The following SLC4A10 variants were observed in gnomAD, a reference collection of about 807,000 sequenced individuals.
SLC4A10 encodes solute carrier family 4 member 10.
In SLC4A10, 42 loss-of-function variants were observed where a neutral mutation model predicts 137.7. The ratio of observed to expected loss-of-function variants is 0.30; its 90% CI spans 0.24 to 0.39. The LOEUF (loss-of-function observed/expected upper bound fraction) is 0.39. SLC4A10 is among the 10% of genes least tolerant of loss of function. SLC4A10 has a pLI of 1.00. For missense variants in SLC4A10, 925 were observed against 1,355.0 expected, an observed-to-expected ratio of 0.68 and a Z score of 4.98; for synonymous variants, 474 against 464.1, an observed-to-expected ratio of 1.02 and a Z score of -0.27.
intron 3 of SLC4A10, among the ~76,000 whole-genome samples, chr2:161,808,030 TTA>T (rs1402131124): frequency 1.3e-5 from 2 of 152,100 alleles, no homozygotes; most frequent in Non-Finnish European, 2.9e-5. Flanking sequence ...TTTTATATTT[TTA>T]TGAATTTAAA....
Position 161,904,829 on chromosome 2 carries a change from C to T in SLC4A10, c.1671C>T (p.Leu557=), listed in dbSNP as rs1683967552. 1 of 1,613,980 alleles carries T rather than the reference C, an allele frequency of 6.2e-7. No homozygotes were observed. Among genetic ancestry groups the T allele is most frequent in the Non-Finnish European group, 8.5e-7 (1 of 1,179,868 alleles). Residue 557 remains leucine (L), a synonymous_variant, in exon 14 of 27, where the codon CTC becomes CTT. Coordinates refer to ENST00000446997, the MANE Select transcript of SLC4A10 (RefSeq NM_001178015.2). ...GASMTGIAYS[L]FGGQPLTILG... ...CCATGACCGGGATAGCCTATTCTCT[C>T]TTTGGTGGACAGCCTCTTACCATAT...
intron 1 of SLC4A10, among the ~76,000 whole-genome samples, chr2:161,636,013 T>C (rs964555905): frequency 6.6e-6 from 1 of 152,154 alleles, no homozygotes; most frequent in African/African-American, 2.4e-5. Flanking sequence ...AAATTTGATG[T>C]TTGTTCTTGG....
intron 1 of SLC4A10, among the ~76,000 whole-genome samples, chr2:161,714,288 T>A (rs2044608705): frequency 6.6e-6 from 1 of 151,948 alleles, no homozygotes; most frequent in Admixed American, 6.6e-5. Context: ...TGTCTTAGAA[T>A]CATAGTCCCA....
chr2:161,835,559 G>T (rs1412870492), intron 3 of SLC4A10, among the ~76,000 whole-genome samples: 1 of 152,172 alleles, frequency 6.6e-6, no homozygotes, highest in Non-Finnish European at 1.5e-5. Flanking sequence ...AGTTTTGTGT[G>T]CCCTACAGGC....
chr2:161,785,615 C>CA (rs1290431767), intron 2 of SLC4A10, among the ~76,000 whole-genome samples: 6 of 151,648 alleles, frequency 4.0e-5, no homozygotes, highest in East Asian at 1.9e-4. Flanking sequence ...GAGTAAAGAA[C>CA]AAAAAATATA....
At chr2:161,809,890 A>G (rs957261686) in intron 3 of SLC4A10, among the ~76,000 whole-genome samples, 1 of 152,026 alleles carries the variant, frequency 6.6e-6, no homozygotes, top group Non-Finnish European at 1.5e-5. Flanking sequence ...TAATTTTAGA[A>G]TAGTTTTTCT....
At chr2:161,738,930 C>T (rs116023221) in intron 1 of SLC4A10, among the ~76,000 whole-genome samples, 287 of 152,278 alleles carry the variant, frequency 1.9e-3, no homozygotes, top group African/African-American at 6.5e-3. Context: ...CAATATATAG[C>T]TACATTCACT....
chr2:161,718,585 C>T (rs981691571), intron 1 of SLC4A10, among the ~76,000 whole-genome samples: 1 of 152,084 alleles, frequency 6.6e-6, no homozygotes, highest in Admixed American at 6.6e-5. Flanking sequence ...GTGGGTTGTT[C>T]AATTTCCATG....
intron 26 of SLC4A10, 137 bp from the exon 27 acceptor site, chr2:161,983,042 C>T: frequency 1.5e-6 from 1 of 673,338 alleles, no homozygotes; most frequent in Admixed American, 3.0e-5. Flanking sequence ...TCTATCTGTG[C>T]TTCGCAGCAT....
chr2:161,783,930 A>C (rs1227602039), intron 2 of SLC4A10, among the ~76,000 whole-genome samples: 1 of 151,946 alleles, frequency 6.6e-6, no homozygotes, highest in Non-Finnish European at 1.5e-5. Flanking sequence ...AATAAATTAT[A>C]CTTCCCAATC....
At chr2:161,806,795 C>T (rs746352327) in intron 3 of SLC4A10, among the ~76,000 whole-genome samples, 34 of 152,276 alleles carry the variant, frequency 2.2e-4, no homozygotes, top group South Asian at 1.7e-3. Context: ...CTTCTTCTGA[C>T]CCCTCCAAAC....
At chr2:161,981,715 C>G (rs1294524527) in intron 26 of SLC4A10, among the ~76,000 whole-genome samples, 1 of 152,266 alleles carries the variant, frequency 6.6e-6, no homozygotes, top group East Asian at 1.9e-4. Context: ...CGAGTTAGGG[C>G]TCTCAACACA....
intron 1 of SLC4A10, among the ~76,000 whole-genome samples, chr2:161,736,951 C>T (rs2047406942): frequency 6.6e-6 from 1 of 152,038 alleles, no homozygotes; most frequent in Non-Finnish European, 1.5e-5. Context: ...GCCTTGACCT[C>T]ATGGGCTCAA....
chr2:161,864,931 A>G (rs1273795655), intron 6 of SLC4A10, among the ~76,000 whole-genome samples: 1 of 152,148 alleles, frequency 6.6e-6, no homozygotes, highest in Non-Finnish European at 1.5e-5. Flanking sequence ...CTATGGGATT[A>G]TGTCTACATG....
intron 1 of SLC4A10, among the ~76,000 whole-genome samples, chr2:161,700,259 A>G (rs1234845964): frequency 6.6e-6 from 1 of 152,196 alleles, no homozygotes; most frequent in Non-Finnish European, 1.5e-5. Flanking sequence ...AGCTAATGAC[A>G]TAGTGGTTTT....
intron 23 of SLC4A10, among the ~76,000 whole-genome samples, chr2:161,966,723 G>A (rs1454085055): frequency 7.5e-6 from 1 of 133,160 alleles, no homozygotes; most frequent in Non-Finnish European, 1.6e-5. Flanking sequence ...GTGACAGAGC[G>A]AGACTCCGTC....
At chr2:161,917,775 A>G (rs1687395584) in intron 15 of SLC4A10, among the ~76,000 whole-genome samples, 2 of 152,202 alleles carry the variant, frequency 1.3e-5, no homozygotes, top group African/African-American at 4.8e-5. Flanking sequence ...TCTAGAGTGA[A>G]GGGATCATTA....
chr2:161,693,983 A>G (rs2042246997), intron 1 of SLC4A10, among the ~76,000 whole-genome samples: 1 of 151,970 alleles, frequency 6.6e-6, no homozygotes, highest in South Asian at 2.1e-4. Flanking sequence ...TTTAAGAGAA[A>G]TACTCAAAAC....
At chr2:161,922,296 A>G (rs1688286326) in intron 15 of SLC4A10, among the ~76,000 whole-genome samples, 1 of 152,288 alleles carries the variant, frequency 6.6e-6, no homozygotes, top group East Asian at 1.9e-4. Flanking sequence ...GCTACGATGC[A>G]TATTTTTGAA....
Sources: gnomAD v4.1 joint callset for allele counts (sites outside exome capture counted in the v4.1 genomes callset) on GRCh38, gnomAD v4.1.1 for gene constraint, MANE v1.5 for transcripts, NCBI Gene and HGNC (gene_info 2026-07-23, HGNC 2026-07-21) for gene names.